The following HECW2 variants were observed in gnomAD, a reference collection of about 807,000 sequenced individuals.
HECW2 encodes E3 ubiquitin-protein ligase HECW2.
In HECW2, 61 loss-of-function variants were observed where a neutral mutation model predicts 175.2. The observed-to-expected ratio is 0.35, with a 90% CI of 0.28 to 0.43. HECW2 has a LOEUF of 0.43. HECW2 is among the 20% of genes least tolerant of loss of function. HECW2 has a pLI of 1.00. For missense variants in HECW2, 1,524 were observed against 2,000.5 expected (o/e 0.76, Z 4.54); for synonymous variants, 671 against 731.0 (o/e 0.92, Z 1.32).
chr2:196,371,417 A>G (rs1053698554), intron 2 of HECW2, among the ~76,000 whole-genome samples: 1 of 152,232 alleles, frequency 6.6e-6, no homozygotes, highest in African/African-American at 2.4e-5. Context: ...AGGAATAAAG[A>G]AGACAGAAAG....
intron 2 of HECW2, among the ~76,000 whole-genome samples, chr2:196,350,279 T>A (rs542329357): frequency 6.6e-6 from 1 of 152,224 alleles, no homozygotes; most frequent in African/African-American, 2.4e-5. Context: ...GCAGGAGAAC[T>A]GCTTGAACCT....
intron 1 of HECW2, among the ~76,000 whole-genome samples, chr2:196,513,706 C>T (rs115664497): frequency 0.012 from 1,861 of 152,214 alleles, 46 homozygotes; most frequent in African/African-American, 0.043. Context: ...AAGTAAGATT[C>T]CAATAGTCCT....
At position 196,225,222 on chromosome 2, in the gene HECW2, C is replaced by T. The variant is rs1013862483; in HGVS notation, c.4016+550G>A. ...AAAAGTTCTGTGAATGCTGAATTTTCATTTTCCATAATAAATTACTAAGGG... is the reference window on the plus strand; with the variant it reads ...AAAAGTTCTGTGAATGCTGAATTTTTATTTTCCATAATAAATTACTAAGGG... On this transcript the variant is annotated intron_variant, in intron 23 of 28. Transcript: ENST00000644978. 3.9e-5 allele frequency among the ~76,000 whole-genome samples: 6 copies of T among 152,196 alleles called. No homozygotes were observed. In the South Asian group the frequency reaches 1.2e-3, roughly 31 times the overall value.
chr2:196,256,873 T>C (rs1689076608), intron 18 of HECW2, among the ~76,000 whole-genome samples: 1 of 152,226 alleles, frequency 6.6e-6, no homozygotes, highest in Non-Finnish European at 1.5e-5. Flanking sequence ...CTATAGAAAG[T>C]GAATATATCC....
chr2:196,203,300 A>G (rs1686937391), intron 28 of HECW2, among the ~76,000 whole-genome samples: 1 of 152,136 alleles, frequency 6.6e-6, no homozygotes, highest in African/African-American at 2.4e-5. Context: ...TTAGACTGGA[A>G]CGCAAATTGA....
chr2:196,298,188 A>G (rs910851903), intron 13 of HECW2, among the ~76,000 whole-genome samples: 1 of 152,234 alleles, frequency 6.6e-6, no homozygotes, highest in Admixed American at 6.5e-5. Flanking sequence ...TTTATGTATG[A>G]CATTAATTAG....
intron 1 of HECW2, among the ~76,000 whole-genome samples, chr2:196,514,983 C>T (rs566015269): frequency 2.0e-5 from 3 of 152,322 alleles, no homozygotes; most frequent in Admixed American, 1.3e-4. Flanking sequence ...GAGAAGCGGC[C>T]CTTTAGGGAG....
At chr2:196,516,724 C>G (rs1351753667) in intron 1 of HECW2, among the ~76,000 whole-genome samples, 1 of 152,110 alleles carries the variant, frequency 6.6e-6, no homozygotes, top group Non-Finnish European at 1.5e-5. Flanking sequence ...CCATATTTTC[C>G]CAAATTCAGG....
intron 6 of HECW2, 41 bp downstream of exon 6, chr2:196,324,939 T>C: frequency 1.3e-6 from 2 of 1,493,336 alleles, no homozygotes; most frequent in Non-Finnish European, 1.8e-6. Context: ...CTGGGCTGAC[T>C]TCCTCACCAT....
chr2:196,321,999 G>A (rs1213142282), intron 7 of HECW2, among the ~76,000 whole-genome samples: 1 of 152,184 alleles, frequency 6.6e-6, no homozygotes. Context: ...ATAAATTTTA[G>A]TTGCTTGAAT....
intron 21 of HECW2, among the ~76,000 whole-genome samples, chr2:196,237,667 A>T (rs1295585508): frequency 1.3e-5 from 2 of 152,076 alleles, no homozygotes; most frequent in Admixed American, 1.3e-4. Context: ...CCATTTATTT[A>T]TGTATTCAAC....
In HECW2 at chr2:196,199,333, T is replaced by A. The variant is rs1686783947; in HGVS notation, c.*1944A>T. 1 of 152,656 alleles carries A rather than the reference T, an allele frequency of 6.6e-6. No homozygotes were observed. Among genetic ancestry groups the A allele is most frequent in the African/African-American group, 2.4e-5 (1 of 41,460 alleles). 9.5% of individuals were successfully genotyped at this position (152,656 alleles called of 1,614,324 possible). A position where few individuals can be genotyped will look rare whatever the true frequency, so the allele number is the denominator to read the frequency against. ...AGTTAAAAGTTTTTCTTTTTTTCTCTTCCAATTATAGAATACAGAGAGCTC... is the reference window on the plus strand; with the variant it reads ...AGTTAAAAGTTTTTCTTTTTTTCTCATCCAATTATAGAATACAGAGAGCTC... On this transcript the variant is annotated 3_prime_UTR_variant, in exon 29 of 29. Coordinates refer to ENST00000644978, the MANE Select transcript of HECW2 (RefSeq NM_001348768.2).
intron 2 of HECW2, among the ~76,000 whole-genome samples, chr2:196,392,179 A>G (rs1039550203): frequency 1.3e-5 from 2 of 152,218 alleles, no homozygotes; most frequent in African/African-American, 4.8e-5. Context: ...TCTGTAAAAT[A>G]AATTATATTA....
chr2:196,269,070 T>C (rs1689627614), intron 17 of HECW2, among the ~76,000 whole-genome samples: 2 of 152,364 alleles, frequency 1.3e-5, no homozygotes, highest in African/African-American at 4.8e-5. Flanking sequence ...TCAAATGTTA[T>C]TAACCATGTG....
At position 196,314,129 on chromosome 2, in the gene HECW2, T is replaced by A. The variant is rs17829590; in HGVS notation, c.2434+3145A>T. Among the ~76,000 whole-genome samples the A allele has an allele frequency of 3.5e-3, 533 of 152,280 alleles. 3 individuals are homozygous for A. The highest frequency in any genetic ancestry group is 5.9e-3 in the Admixed American group (90 of 15,286). ...AAGGTGCTGCTGGGTCTAATACAGA[T>A]GCTGAATAGAGCACATCTATCTGGA... is the stretch of plus-strand genomic sequence containing the variant. On this transcript the variant is annotated intron_variant, in intron 10 of 28. Transcript: ENST00000644978.
intron 2 of HECW2, among the ~76,000 whole-genome samples, chr2:196,369,115 T>A (rs1469139118): frequency 1.3e-5 from 2 of 152,148 alleles, no homozygotes; most frequent in East Asian, 3.9e-4. Context: ...TGCCTGTCTT[T>A]CTTTGAAGGT....
At chr2:196,542,059 C>T (rs772577101) in intron 1 of HECW2, among the ~76,000 whole-genome samples, 2 of 151,848 alleles carry the variant, frequency 1.3e-5, no homozygotes, top group Admixed American at 6.6e-5. Flanking sequence ...GTCAGGAGTT[C>T]GAGACCAGTC....
intron 21 of HECW2, among the ~76,000 whole-genome samples, chr2:196,232,881 C>G (rs527978357): frequency 6.6e-6 from 1 of 152,178 alleles, no homozygotes; most frequent in African/African-American, 2.4e-5. Context: ...TTCAACTGGT[C>G]AAGTTTTTAT....
chr2:196,570,724 T>G (rs1690354747), intron 1 of HECW2, among the ~76,000 whole-genome samples: 1 of 152,222 alleles, frequency 6.6e-6, no homozygotes, highest in Admixed American at 6.5e-5. Flanking sequence ...ATAAATTATT[T>G]GCTCACTTCT....
Sources: gnomAD v4.1 joint callset for allele counts (sites outside exome capture counted in the v4.1 genomes callset) on GRCh38, gnomAD v4.1.1 for gene constraint, MANE v1.5 for transcripts, NCBI Gene and HGNC (gene_info 2026-07-23, HGNC 2026-07-21) for gene names.